NGFR: variants seen among roughly 807,000 people sequenced by gnomAD.
NGFR encodes the protein tumor necrosis factor receptor superfamily member 16.
NGFR carries 30 observed loss-of-function variants against 43.2 expected under a neutral mutation model. That is an observed-to-expected ratio of 0.69 (90% CI 0.52 to 0.94). NGFR has a LOEUF of 0.94. Ranked by LOEUF, NGFR falls within the 40% of genes least tolerant of loss-of-function variation. The pLI is 0.00. For missense variants in NGFR, 529 were observed against 602.5 expected, an observed-to-expected ratio of 0.88 and a Z score of 1.28; for synonymous variants, 246 against 259.6, an observed-to-expected ratio of 0.95 and a Z score of 0.50.
chr17:49,510,940 C>A (rs1481660303), intron 4 of NGFR: 1 of 476,292 alleles, frequency 2.1e-6, no homozygotes, highest in South Asian at 2.4e-5. Flanking sequence ...CCACCCCCAA[C>A]TGCTTGTGTC....
Position 49,502,224 on chromosome 17 carries a change from C to T in NGFR, c.208+20C>T. 6.4e-7 allele frequency: 1 copy of T among 1,572,542 alleles called. No homozygotes were observed. ...TGGACAGTGAGTAGAGGGTGGCGGG[C>T]AGGAGGAGGGGAGAAGAATGGGAGG... On this transcript the variant is annotated intron_variant, in intron 2 of 5. Coordinates refer to ENST00000172229, the MANE Select transcript of NGFR (RefSeq NM_002507.4).
In NGFR at chr17:49,514,679, G is replaced by A. The variant is rs2071258482; in HGVS notation, c.*1670G>A. 1 of 152,238 alleles carries A rather than the reference G, an allele frequency of 6.6e-6. No homozygotes were observed. The highest frequency in any genetic ancestry group is 2.1e-4 in the South Asian group (1 of 4,826). The allele number at this position is 152,238 out of a possible 1,614,324, so 9.4% of individuals were successfully genotyped here. ...CTTTGACCTCAACCTGTGATGAGGG[G>A]AGGAAACTCACCTGCTGGCCCCTCA... On this transcript the variant is annotated 3_prime_UTR_variant, in exon 6 of 6. Transcript: ENST00000172229.
At chr17:49,502,468 G>C (rs2071172585) in intron 2 of NGFR, among the ~76,000 whole-genome samples, 1 of 152,180 alleles carries the variant, frequency 6.6e-6, no homozygotes, top group Non-Finnish European at 1.5e-5. Context: ...CTCTGGAGAA[G>C]GCAGAGGCTT....
chr17:49,507,589 G>A (rs777344952), intron 3 of NGFR, among the ~76,000 whole-genome samples: 7 of 152,176 alleles, frequency 4.6e-5, no homozygotes, highest in Non-Finnish European at 1.0e-4. Flanking sequence ...AGCTGTTTTG[G>A]TCTCTGGTTG....
In NGFR at chr17:49,507,960, C is replaced by T. The variant is rs541169503; in HGVS notation, c.568+1302C>T. 3.3e-5 allele frequency among the ~76,000 whole-genome samples: 5 copies of T among 152,326 alleles called. No individual in the cohort carries two copies. In the South Asian group the frequency reaches 1.0e-3, roughly 32 times the overall value. Reference sequence around the variant, plus strand: ...AGATCTCCTGCCCCTGGGGACCCTCCAGTCTGATAGGGGCTCCAACCCACA... The same window carrying T: ...AGATCTCCTGCCCCTGGGGACCCTCTAGTCTGATAGGGGCTCCAACCCACA... On this transcript the variant is annotated intron_variant, in intron 3 of 5. Transcript: ENST00000172229.
intron 4 of NGFR, chr17:49,510,957 C>CGG: frequency 2.3e-6 from 1 of 430,048 alleles, no homozygotes; most frequent in South Asian, 2.9e-5. Flanking sequence ...TGTCCTCATC[C>CGG]CCAACCTCCT....
intron 1 of NGFR, 64 bp from the exon 2 acceptor site, chr17:49,501,999 A>AAGGCCCCCCCCCCCCCCCCCCCCC: frequency 3.0e-6 from 1 of 330,984 alleles, no homozygotes; most frequent in Non-Finnish European, 5.9e-6. Flanking sequence ...TCCCCGGAAG[A>AAGGCCCCCCCCCCCCCCCCCCCCC]ACCCCCCCCA....
At chr17:49,508,949 G>A (rs990126033) in intron 3 of NGFR, among the ~76,000 whole-genome samples, 2 of 152,214 alleles carry the variant, frequency 1.3e-5, no homozygotes, top group African/African-American at 4.8e-5. Context: ...GCTGAGCTGT[G>A]TCTCCAGCCT....
At position 49,502,185 on chromosome 17, in the gene NGFR, G is replaced by A. The variant is rs781304358; in HGVS notation, c.189G>A (p.Val63=). The A allele has an allele frequency of 6.2e-7, 1 of 1,608,930 alleles. No homozygotes were observed. The highest frequency in any genetic ancestry group is 1.1e-5 in the South Asian group (1 of 90,822). The change falls in exon 2 of 6, where the codon GTG becomes GTA. Residue 63 remains valine (V), a synonymous_variant. Coordinates refer to ENST00000172229, the MANE Select transcript of NGFR (RefSeq NM_002507.4). ...VAQPCGANQT[V]CEPCLDSVTF... ...AGCCTTGTGGAGCCAACCAGACCGT[G>A]TGTGAGCCCTGCCTGGACAGTGAGT...
Position 49,511,698 on chromosome 17 carries a change from G to A in NGFR, c.822-194G>A, listed in dbSNP as rs570339745. ...AACATTTACTGAACACTTACAGAGG[G>A]CCCCTCTGCCCTCATGGAGCTTTCA... On this transcript the variant is annotated intron_variant, in intron 4 of 5. Coordinates refer to ENST00000172229, the MANE Select transcript of NGFR (RefSeq NM_002507.4). Among the ~76,000 whole-genome samples, 127 of 152,240 alleles carry A rather than the reference G, an allele frequency of 8.3e-4. 1 individual carries two copies. Among genetic ancestry groups the A allele is most frequent in the African/African-American group, 2.7e-3 (114 of 41,552 alleles).
chr17:49,506,017 C>T (rs757967592), intron 2 of NGFR: 23 of 482,076 alleles, frequency 4.8e-5, no homozygotes, highest in Non-Finnish European at 7.5e-5. Flanking sequence ...TGCCAAGAAA[C>T]TTAGCGGCAC....
chr17:49,511,869 C>T (rs889728443), intron 4 of NGFR, 23 bp from the exon 5 acceptor site: 11 of 1,577,268 alleles, frequency 7.0e-6, no homozygotes, highest in Middle Eastern at 3.3e-4. Context: ...CCCCCTGAAA[C>T]CTGGCCTGTC....
Position 49,499,494 on chromosome 17 carries a change from C to T in NGFR, c.67-2569C>T, listed in dbSNP as rs537635830. Among the ~76,000 whole-genome samples, 5 of 152,330 alleles carry T rather than the reference C, an allele frequency of 3.3e-5. No individual in the cohort carries two copies. The South Asian group carries it at 6.2e-4, about 19-fold the overall frequency. ...AGTGTGGAGCCAGGATTCAGAGTGG[C>T]GTGAGAGCTCACAGATTGTATTCAG... is the stretch of plus-strand genomic sequence containing the variant. On this transcript the variant is annotated intron_variant, in intron 1 of 5. Coordinates refer to ENST00000172229, the MANE Select transcript of NGFR (RefSeq NM_002507.4).
chr17:49,503,293 A>G (rs908725893), intron 2 of NGFR, among the ~76,000 whole-genome samples: 1 of 152,104 alleles, frequency 6.6e-6, no homozygotes, highest in African/African-American at 2.4e-5. Flanking sequence ...CCTTGGCCCC[A>G]GTCTTGTCCA....
chr17:49,499,246 G>A (rs1302910600), intron 1 of NGFR, among the ~76,000 whole-genome samples: 1 of 152,142 alleles, frequency 6.6e-6, no homozygotes, highest in Non-Finnish European at 1.5e-5. Flanking sequence ...CTTGGCAGGG[G>A]CATTTGCACA....
chr17:49,499,561 T>C (rs1238474876), intron 1 of NGFR, among the ~76,000 whole-genome samples: 1 of 152,060 alleles, frequency 6.6e-6, no homozygotes, highest in Non-Finnish European at 1.5e-5. Context: ...TACATACCTT[T>C]ATATTTTTTA....
intron 3 of NGFR, among the ~76,000 whole-genome samples, chr17:49,509,556 G>C (rs2071218940): frequency 6.6e-6 from 1 of 152,222 alleles, no homozygotes; most frequent in Non-Finnish European, 1.5e-5. Context: ...GCTAGCATGA[G>C]AGGGTCTAGG....
chr17:49,499,910 G>A lies in NGFR; in HGVS notation c.67-2153G>A, dbSNP rs547529933. 3.9e-5 allele frequency among the ~76,000 whole-genome samples: 6 copies of A among 152,272 alleles called. No homozygotes were observed. The South Asian group carries it at 1.2e-3, about 32-fold the overall frequency. On this transcript the variant is annotated intron_variant, in intron 1 of 5. Transcript: ENST00000172229. The stretch of plus-strand genomic sequence containing the variant: ...CCGGCACATGCCTTTCTACCAAGGC[G>A]AGTTCCACAGTTTCTGAAGATTCAA...
chr17:49,506,305 C>T lies in NGFR; in HGVS notation c.215C>T (p.Thr72Met), dbSNP rs761416731. ...TGGTGTCCGCTGCGCTCAGGCGTGA[C>T]GTTCTCCGACGTGGTGAGCGCGACC... Reference protein sequence around the residue: ...TVCEPCLDSVTFSDVVSATEP... With the variant: ...TVCEPCLDSVMFSDVVSATEP... Residue 72 changes from threonine (T) to methionine (M), a missense_variant, in exon 3 of 6, where the codon ACG becomes ATG. Transcript: ENST00000172229. 12 of 1,558,588 alleles carry T rather than the reference C, an allele frequency of 7.7e-6. No individual in the cohort carries two copies. The highest frequency in any genetic ancestry group is 1.8e-5 in the Admixed American group (1 of 56,760).
Sources: gnomAD v4.1 joint callset for allele counts (sites outside exome capture counted in the v4.1 genomes callset) on GRCh38, gnomAD v4.1.1 for gene constraint, MANE v1.5 for transcripts, NCBI Gene and HGNC (gene_info 2026-07-23, HGNC 2026-07-21) for gene names.